Variants in KCNS3 observed in about 807,000 individuals in gnomAD.
KCNS3 encodes delayed-rectifier potassium channel regulatory subunit KCNS3.
In KCNS3, 13 loss-of-function variants were observed where a neutral mutation model predicts 31.0. The observed-to-expected ratio is 0.42, with a 90% CI of 0.27 to 0.67. KCNS3 has a LOEUF of 0.67. KCNS3 is among the 30% of genes least tolerant of loss of function. The probability of loss-of-function intolerance (pLI) is 0.25; values close to 1 mark genes in which losing one functional copy is unlikely to be tolerated. For synonymous variants in KCNS3, 238 were observed against 241.5 expected, an observed-to-expected ratio of 0.99 and a Z score of 0.13; for missense variants, 545 against 622.4, an observed-to-expected ratio of 0.88 and a Z score of 1.32.
At chr2:17,902,957 TTATC>T (rs1662221517) in intron 1 of KCNS3, among the ~76,000 whole-genome samples, 1 of 152,252 alleles carries the variant, frequency 6.6e-6, no homozygotes, top group Non-Finnish European at 1.5e-5. Context: ...ATATTAGAAC[TTATC>T]TATCTTGTCT....
In KCNS3 at chr2:17,931,004, C is replaced by A. The variant is rs1662946757; in HGVS notation, c.-5C>A. On this transcript the variant is annotated 5_prime_UTR_variant, in exon 3 of 3. Coordinates refer to ENST00000304101, the MANE Select transcript of KCNS3 (RefSeq NM_002252.5). This position sits in a 1 kb window ranked among gnomAD's most constrained non-coding sequence, Gnocchi z 5.4. ...CCAGCCAGCACTCTGCCTTCTGTATCCACCATGGTGTTTGGTGAGTTTTTC... is the reference window on the plus strand; with the variant it reads ...CCAGCCAGCACTCTGCCTTCTGTATACACCATGGTGTTTGGTGAGTTTTTC... The A allele has an allele frequency of 3.7e-6, 6 of 1,611,266 alleles. No individual in the cohort carries two copies. Among genetic ancestry groups the A allele is most frequent in the Non-Finnish European group, 3.4e-6 (4 of 1,178,410 alleles).
At chr2:17,910,544 A>T (rs951268078) in intron 1 of KCNS3, among the ~76,000 whole-genome samples, 1 of 152,144 alleles carries the variant, frequency 6.6e-6, no homozygotes, top group African/African-American at 2.4e-5. Context: ...TGTTGTCAGC[A>T]TATCAGTTGG....
intron 2 of KCNS3, among the ~76,000 whole-genome samples, chr2:17,921,948 TATATATATATAA>T (rs1446889023): frequency 8.2e-5 from 10 of 122,390 alleles, no homozygotes; most frequent in African/African-American, 2.8e-4. Flanking sequence ...TATATATATA[TATATATATATAA>T]ATACATATAC....
At chr2:17,894,335 G>T (rs1228699148) in intron 1 of KCNS3, among the ~76,000 whole-genome samples, 2 of 152,104 alleles carry the variant, frequency 1.3e-5, no homozygotes, top group Non-Finnish European at 2.9e-5. Flanking sequence ...CCACACACTT[G>T]CACCACACAC....
At chr2:17,921,379 T>C (rs1263830724) in intron 2 of KCNS3, among the ~76,000 whole-genome samples, 1 of 152,198 alleles carries the variant, frequency 6.6e-6, no homozygotes, top group East Asian at 1.9e-4. Flanking sequence ...TATCAATAAA[T>C]ATTTTAGTAT....
At chr2:17,925,455 T>G (rs1553345834) in intron 2 of KCNS3, among the ~76,000 whole-genome samples, 1 of 152,210 alleles carries the variant, frequency 6.6e-6, no homozygotes, top group Non-Finnish European at 1.5e-5. Context: ...TAATCTGTTT[T>G]CACGCTGCTA....
intron 1 of KCNS3, among the ~76,000 whole-genome samples, chr2:17,912,905 A>G (rs1009854727): frequency 6.6e-6 from 1 of 152,262 alleles, no homozygotes; most frequent in Non-Finnish European, 1.5e-5. Flanking sequence ...TTTAAAAATC[A>G]TGTTAATTCA....
chr2:17,920,121 G>C (rs1388183505), intron 2 of KCNS3, among the ~76,000 whole-genome samples: 1 of 152,180 alleles, frequency 6.6e-6, no homozygotes, highest in Admixed American at 6.5e-5. Context: ...AAAGAAGGCA[G>C]TGTTAAATGC....
intron 1 of KCNS3, among the ~76,000 whole-genome samples, chr2:17,884,667 G>C (rs1661578588): frequency 1.3e-5 from 2 of 152,122 alleles, no homozygotes; most frequent in Admixed American, 1.3e-4. Flanking sequence ...GGGCAGGTTT[G>C]TGTCTATGTG....
intron 1 of KCNS3, among the ~76,000 whole-genome samples, chr2:17,905,412 A>T (rs1260702620): frequency 1.6e-4 from 24 of 152,330 alleles, no homozygotes; most frequent in Admixed American, 3.3e-4. Context: ...GCAAACAGGG[A>T]CAATTTGACT....
intron 1 of KCNS3, among the ~76,000 whole-genome samples, chr2:17,885,462 A>G (rs1240120301): frequency 1.3e-5 from 2 of 152,242 alleles, no homozygotes; most frequent in Admixed American, 1.3e-4. Context: ...GATTTATTCT[A>G]AGAAATTGGT....
intron 1 of KCNS3, among the ~76,000 whole-genome samples, chr2:17,894,275 A>T (rs1016702747): frequency 3.3e-5 from 5 of 152,056 alleles, no homozygotes; most frequent in Non-Finnish European, 7.4e-5. Flanking sequence ...GGACCGGAGC[A>T]CTATATGATG....
intron 1 of KCNS3, among the ~76,000 whole-genome samples, chr2:17,888,626 AAT>A (rs1491588855): frequency 0.014 from 659 of 47,572 alleles, 15 homozygotes; most frequent in African/African-American, 0.047. Flanking sequence ...TAATAAAAAA[AAT>A]GTATATATAT....
intron 1 of KCNS3, among the ~76,000 whole-genome samples, chr2:17,910,403 AT>A (rs946183912): frequency 1.3e-5 from 2 of 152,192 alleles, no homozygotes; most frequent in African/African-American, 4.8e-5. Flanking sequence ...GAAAATAAAT[AT>A]TTTTTTCTGT....
At chr2:17,896,717 C>T (rs1173508755) in intron 1 of KCNS3, among the ~76,000 whole-genome samples, 1 of 151,994 alleles carries the variant, frequency 6.6e-6, no homozygotes, top group Admixed American at 6.6e-5. Context: ...GCTTCTTCTC[C>T]CTGCCCCAGT....
intron 2 of KCNS3, among the ~76,000 whole-genome samples, chr2:17,924,774 T>C (rs937333018): frequency 8.5e-5 from 13 of 152,212 alleles, no homozygotes; most frequent in African/African-American, 3.1e-4. Flanking sequence ...TGAGGATTTA[T>C]TCATCTGTAT....
intron 2 of KCNS3, among the ~76,000 whole-genome samples, chr2:17,927,820 C>T (rs547025402): frequency 1.7e-4 from 26 of 152,274 alleles, no homozygotes; most frequent in Non-Finnish European, 7.4e-5. Context: ...TTAACTCTTT[C>T]AACCAATTGC....
chr2:17,895,602 T>G (rs1558449259), intron 1 of KCNS3, among the ~76,000 whole-genome samples: 1 of 152,192 alleles, frequency 6.6e-6, no homozygotes, highest in Non-Finnish European at 1.5e-5. Context: ...TCCCACGTGT[T>G]TACTGTGTAG....
chr2:17,887,292 A>G lies in KCNS3; in HGVS notation c.-252+8486A>G, dbSNP rs1476995991. Among the ~76,000 whole-genome samples the G allele has an allele frequency of 2.0e-5, 3 of 151,914 alleles. No individual in the cohort carries two copies. The East Asian group carries it at 5.8e-4, about 29-fold the overall frequency. On this transcript the variant is annotated intron_variant, in intron 1 of 2. Transcript: ENST00000304101. ...CTCCCACTCTTCCCCCTGAGTCCCCAAAGTCCATTGTATCATTCTTATGCC... is the reference window on the plus strand; with the variant it reads ...CTCCCACTCTTCCCCCTGAGTCCCCGAAGTCCATTGTATCATTCTTATGCC...
Sources: allele counts gnomAD v4.1 joint callset (sites outside exome capture counted in the v4.1 genomes callset), GRCh38; gene constraint gnomAD v4.1.1; non-coding constraint Gnocchi (gnomAD v3.1); transcripts MANE v1.5; gene names NCBI Gene and HGNC (gene_info 2026-07-23, HGNC 2026-07-21).